The following RNF44 variants were observed in gnomAD, a reference collection of about 807,000 sequenced individuals.
RNF44 encodes the protein ring finger protein 44.
RNF44 carries 25 observed loss-of-function variants against 53.6 expected under a neutral mutation model. The ratio of observed to expected loss-of-function variants is 0.47; its 90% CI spans 0.34 to 0.65. The LOEUF (loss-of-function observed/expected upper bound fraction) is 0.65. Among genes scored for constraint, RNF44 ranks in the 30% least tolerant of loss-of-function variants. The pLI is 0.01. For synonymous variants in RNF44, 282 were observed against 252.2 expected (o/e 1.12, Z -1.12); for missense variants, 581 against 595.5 (o/e 0.98, Z 0.25).
chr5:176,529,443 G>A (rs1756349315), intron 9 of RNF44, 56 bp from the exon 10 acceptor site: 1 of 1,605,822 alleles, frequency 6.2e-7, no homozygotes. Flanking sequence ...AAGGCTCAGT[G>A]GAGTGTGACT....
chr5:176,532,797 C>A (rs1282628089), intron 1 of RNF44, among the ~76,000 whole-genome samples: 1 of 147,158 alleles, frequency 6.8e-6, no homozygotes, highest in Non-Finnish European at 1.5e-5. Flanking sequence ...GAAGTCCAGG[C>A]GCTTGTGCCA....
intron 1 of RNF44, chr5:176,536,178 C>T (rs1757153874): frequency 6.6e-6 from 1 of 152,280 alleles, no homozygotes; most frequent in Non-Finnish European, 1.5e-5. Context: ...GCAGAGCTTC[C>T]CAACGTGTGG....
Position 176,531,547 on chromosome 5 carries a change from G to T in RNF44, c.381C>A (p.Ile127=). The stretch of plus-strand genomic sequence containing the variant: ...GGAGCTGCTGGGCACTGCAGCCAGG[G>T]ATGTGCTGGCCTGTAGGCAAGGGGA... ...QGFPLPTGQH[I]PGCSAQQLPA... Residue 127 remains isoleucine, a synonymous_variant, in exon 4 of 11, where the codon ATC becomes ATA. Transcript: ENST00000274811. This position sits in a 1 kb window ranked among gnomAD's most constrained non-coding sequence, Gnocchi z 4.2. The T allele has an allele frequency of 1.2e-6, 2 of 1,612,498 alleles. No homozygotes were observed. The highest frequency in any genetic ancestry group is 1.7e-6 in the Non-Finnish European group (2 of 1,179,474).
At chr5:176,534,577 G>A (rs1440339650) in intron 1 of RNF44, among the ~76,000 whole-genome samples, 1 of 152,264 alleles carries the variant, frequency 6.6e-6, no homozygotes, top group Non-Finnish European at 1.5e-5. Flanking sequence ...ACACTTTGGA[G>A]GGATGGGGAA....
intron 10 of RNF44, 94 bp downstream of exon 10, chr5:176,529,194 A>AT: frequency 6.4e-7 from 1 of 1,557,142 alleles, no homozygotes. Flanking sequence ...AACTTCCGAG[A>AT]TGATGACAAG....
At chr5:176,533,349 T>A (rs1426560842) in intron 1 of RNF44, among the ~76,000 whole-genome samples, 1 of 152,178 alleles carries the variant, frequency 6.6e-6, no homozygotes, top group Non-Finnish European at 1.5e-5. Context: ...TATCCACGAG[T>A]GACTTCATCT....
intron 1 of RNF44, chr5:176,536,153 C>T (rs551126597): frequency 1.3e-5 from 2 of 152,416 alleles, no homozygotes; most frequent in East Asian, 3.9e-4. Flanking sequence ...AACAAGCAGG[C>T]TCTGCCCAGC....
chr5:176,530,033 C>G (rs1012584249), intron 7 of RNF44, 49 bp downstream of exon 7: 2 of 1,422,604 alleles, frequency 1.4e-6, no homozygotes, highest in South Asian at 1.8e-5. Flanking sequence ...ACTGGAGGTT[C>G]CAGGAGAACA....
intron 10 of RNF44, 73 bp from the exon 11 acceptor site, chr5:176,529,163 G>A (rs763093541): frequency 1.0e-5 from 16 of 1,584,554 alleles, no homozygotes; most frequent in East Asian, 4.5e-5. Flanking sequence ...CACCTGGGGG[G>A]ACTTGGTCCG....
chr5:176,537,477 G>C (rs533168336), upstream of RNF44: 1 of 152,202 alleles, frequency 6.6e-6, no homozygotes, highest in Non-Finnish European at 1.5e-5. Context: ...CGTGACTAGT[G>C]GGCCACCATC....
chr5:176,527,482 G>C lies in RNF44; in HGVS notation c.*1546C>G, dbSNP rs980841486. ...GAGGGTGGTTCTGTGTAAAACACGT[G>C]GGTTTTCAACACTGCTATAAATATA... On this transcript the variant is annotated 3_prime_UTR_variant, in exon 11 of 11. Coordinates refer to ENST00000274811, the MANE Select transcript of RNF44 (RefSeq NM_014901.5). The C allele has an allele frequency of 1.3e-5, 2 of 152,500 alleles. No homozygotes were observed. The highest frequency in any genetic ancestry group is 4.8e-5 in the African/African-American group (2 of 41,404). The allele number at this position is 152,500 out of a possible 1,614,324, so 9.4% of individuals were successfully genotyped here. A position where few individuals can be genotyped will look rare whatever the true frequency, so the allele number is the denominator to read the frequency against.
At chr5:176,541,936 C>A (rs1455691087), upstream of RNF44, among the ~76,000 whole-genome samples, 2 of 152,218 alleles carry the variant, frequency 1.3e-5, no homozygotes, top group African/African-American at 4.8e-5. Flanking sequence ...CAGAGCCTCA[C>A]ACACCAGGGA....
chr5:176,530,088 T>C lies in RNF44; in HGVS notation c.920A>G (p.Tyr307Cys). ...PPPYYPSFLPYFLSMLPMSPT... is the reference protein window; with the variant it reads ...PPPYYPSFLPCFLSMLPMSPT... ...CGGATGTGCGGATACTTACAGGAAG[T>C]AGGGCAGGAAGCTGGGGTAGTAGGG... is the stretch of plus-strand genomic sequence containing the variant. The change falls in exon 7 of 11, where the codon TAC becomes TGC. Residue 307 changes from tyrosine (Y) to cysteine (C), a missense_variant. Physicochemically the swap from Tyr to Cys is radical, Grantham distance 194. Around this residue, in one of 3 missense-constraint regions of RNF44, gnomAD observed 183 missense variants for 198.6 expected, o/e 0.92. Coordinates refer to ENST00000274811, the MANE Select transcript of RNF44 (RefSeq NM_014901.5). The C allele has an allele frequency of 1.0e-6, 1 of 1,003,066 alleles. No homozygotes were observed. The allele number at this position is 1,003,066 out of a possible 1,614,324, so 62.1% of individuals were successfully genotyped here. A position where few individuals can be genotyped will look rare whatever the true frequency, so the allele number is the denominator to read the frequency against.
chr5:176,530,631 A>T lies in RNF44; in HGVS notation c.752T>A (p.Leu251Gln). Residue 251 changes from leucine to glutamine, a missense_variant, in exon 6 of 11, where the codon CTG (leucine) becomes CAG (glutamine). Leu to Gln is a moderately radical substitution (Grantham distance 113). Coordinates refer to ENST00000274811, the MANE Select transcript of RNF44 (RefSeq NM_014901.5). ...PGPALSPSVP[L>Q]HYLPHDPLHQ... ...CAGCGGATCGTGGGGCAGGTAGTGC[A>T]GGGGCACCGACGGGGAAAGGGCTGG... The T allele has an allele frequency of 6.6e-7, 1 of 1,518,522 alleles. No homozygotes were observed. 94.1% of individuals were successfully genotyped at this position (1,518,522 alleles called of 1,614,324 possible).
chr5:176,532,401 C>G lies in RNF44; in HGVS notation c.72G>C (p.Ala24=), dbSNP rs774487514. 6.2e-7 allele frequency: 1 copy of G among 1,609,810 alleles called. No individual in the cohort carries two copies. The highest frequency in any genetic ancestry group is 1.1e-5 in the South Asian group (1 of 90,912). Reference sequence around the variant, plus strand: ...GCTGGCCCGGGGTGCTGCCAGGTCCCGCAGAGAATCGCCGCTGGCCCACGG... The same window carrying G: ...GCTGGCCCGGGGTGCTGCCAGGTCCGGCAGAGAATCGCCGCTGGCCCACGG... ...SAPVGQRRFS[A]GPGSTPGQLW... Residue 24 remains alanine (A), a synonymous_variant, in exon 2 of 11, where the codon GCG becomes GCC. Coordinates refer to ENST00000274811, the MANE Select transcript of RNF44 (RefSeq NM_014901.5).
Position 176,531,951 on chromosome 5 carries a change from C to T in RNF44, c.297+53G>A, listed in dbSNP as rs546845418. The T allele has an allele frequency of 2.6e-6, 4 of 1,523,908 alleles. No individual in the cohort carries two copies. The highest frequency in any genetic ancestry group is 4.3e-5 in the Admixed American group (2 of 46,450). The allele number at this position is 1,523,908 out of a possible 1,614,324, so 94.4% of individuals were successfully genotyped here. A position where few individuals can be genotyped will look rare whatever the true frequency, so the allele number is the denominator to read the frequency against. On this transcript the variant is annotated intron_variant, in intron 3 of 10. Coordinates refer to ENST00000274811, the MANE Select transcript of RNF44 (RefSeq NM_014901.5). This position sits in a 1 kb window ranked among gnomAD's most constrained non-coding sequence, Gnocchi z 4.2. ...TGAAATCTAGGCCTTGCTGCCTCTG[C>T]CTCTCAGACTGGCTCACAGGGCCAG...
At chr5:176,539,401 T>A (rs1487704593), upstream of RNF44, among the ~76,000 whole-genome samples, 2 of 152,136 alleles carry the variant, frequency 1.3e-5, no homozygotes, top group Non-Finnish European at 2.9e-5. Flanking sequence ...TTGAAAACCC[T>A]CCCCATGGCC....
At chr5:176,536,564 G>A (rs1364781728) in intron 1 of RNF44, among the ~76,000 whole-genome samples, 1 of 152,232 alleles carries the variant, frequency 6.6e-6, no homozygotes, top group Non-Finnish European at 1.5e-5. Flanking sequence ...CGCCGCTCTC[G>A]GAGGGACACC....
chr5:176,527,322 T>C lies in RNF44; in HGVS notation c.*1706A>G, dbSNP rs1756113613. The C allele has an allele frequency of 1.3e-5, 2 of 152,382 alleles. No individual in the cohort carries two copies. The highest frequency in any genetic ancestry group is 4.8e-5 in the African/African-American group (2 of 41,444). The allele number at this position is 152,382 out of a possible 1,614,324, so 9.4% of individuals were successfully genotyped here. ...TTAATGATGATCTTTTTAAATGCTG[T>C]GTTTCCCCCCCAATAGCTGCTTGTT... is the stretch of plus-strand genomic sequence containing the variant. On this transcript the variant is annotated 3_prime_UTR_variant, in exon 11 of 11. Transcript: ENST00000274811.
Sources: gnomAD v4.1 joint callset for allele counts (sites outside exome capture counted in the v4.1 genomes callset) on GRCh38, gnomAD v4.1.1 for gene constraint, gnomAD v4.1.1 regional missense constraint, Gnocchi (gnomAD v3.1) non-coding constraint, MANE v1.5 for transcripts, NCBI Gene and HGNC (gene_info 2026-07-23, HGNC 2026-07-21) for gene names.